The following FBXL17 variants were observed in gnomAD, a reference collection of about 807,000 sequenced individuals.
The protein encoded by FBXL17 is F-box and leucine rich repeat protein 17.
Under a neutral mutation model 66.2 loss-of-function variants are expected in FBXL17, and 22 were observed. The observed-to-expected ratio is 0.33, with a 90% CI of 0.24 to 0.47. The LOEUF (loss-of-function observed/expected upper bound fraction) is 0.47. Among genes scored for constraint, FBXL17 ranks in the 20% least tolerant of loss-of-function variants. The pLI is 1.00. For missense variants in FBXL17, 878 were observed against 948.2 expected, an observed-to-expected ratio of 0.93 and a Z score of 0.97; for synonymous variants, 474 against 400.5, an observed-to-expected ratio of 1.18 and a Z score of -2.19.
chr5:108,043,926 T>C (rs947813012), intron 6 of FBXL17, among the ~76,000 whole-genome samples: 3 of 152,200 alleles, frequency 2.0e-5, no homozygotes, highest in East Asian at 3.9e-4. Context: ...CAAGTTTTCA[T>C]TGGTTTACTT....
At chr5:108,238,637 G>A (rs183931982) in intron 4 of FBXL17, among the ~76,000 whole-genome samples, 86 of 152,082 alleles carry the variant, frequency 5.7e-4, no homozygotes, top group African/African-American at 2.0e-3. Context: ...CACCCTTTCC[G>A]GTAGCTTGGA....
chr5:108,218,196 G>T (rs772300676), intron 5 of FBXL17, among the ~76,000 whole-genome samples: 1 of 151,656 alleles, frequency 6.6e-6, no homozygotes, highest in African/African-American at 2.4e-5. Flanking sequence ...TTTTAGTAGA[G>T]ATGGGGTTTC....
chr5:107,931,500 A>AT (rs1297033891), intron 7 of FBXL17, among the ~76,000 whole-genome samples: 1 of 151,880 alleles, frequency 6.6e-6, no homozygotes, highest in Non-Finnish European at 1.5e-5. Context: ...GACTCAAGCT[A>AT]TTTGCCCACC....
chr5:107,879,701 GT>G, intron 8 of FBXL17: 1 of 985,434 alleles, frequency 1.0e-6, no homozygotes, highest in African/African-American at 1.7e-5. Context: ...TGAATGGCGT[GT>G]CTATTTAGTT....
chr5:107,980,665 T>TATATATATATATATATATATA (rs1363335386), intron 7 of FBXL17, among the ~76,000 whole-genome samples: 17 of 79,082 alleles, frequency 2.1e-4, no homozygotes, highest in East Asian at 9.7e-4. Flanking sequence ...TATATATATA[T>TATATATATATATATATATATA]TTTTTTTTTG....
chr5:108,136,111 A>G (rs561939344), intron 6 of FBXL17, among the ~76,000 whole-genome samples: 1 of 152,268 alleles, frequency 6.6e-6, no homozygotes, highest in South Asian at 2.1e-4. Context: ...GAAAATATGA[A>G]TATGTATATA....
chr5:108,264,602 T>A (rs2150129943), intron 4 of FBXL17, among the ~76,000 whole-genome samples: 2 of 152,216 alleles, frequency 1.3e-5, no homozygotes, highest in African/African-American at 4.8e-5. Flanking sequence ...AAAAATAAAT[T>A]AAAATTTTCT....
At chr5:107,962,764 G>A (rs959469436) in intron 7 of FBXL17, among the ~76,000 whole-genome samples, 2 of 151,596 alleles carry the variant, frequency 1.3e-5, no homozygotes, top group African/African-American at 4.8e-5. Context: ...AAATTAGAAT[G>A]GAGAAGTAGA....
intron 6 of FBXL17, among the ~76,000 whole-genome samples, chr5:108,125,818 A>G (rs1750675645): frequency 6.6e-6 from 1 of 152,060 alleles, no homozygotes; most frequent in South Asian, 2.1e-4. Context: ...ATTTGTGTTT[A>G]TATTCAATTA....
In FBXL17 at chr5:108,101,534, G is replaced by T. The variant is rs574834352; in HGVS notation, c.1746-80533C>A. On this transcript the variant is annotated intron_variant, in intron 6 of 8. Transcript: ENST00000542267. ...ACAGTCACTGGCAATGTCTATTAAT[G>T]TAACAGTTCTCAGCTAATTCCTCTC... Among the ~76,000 whole-genome samples the T allele has an allele frequency of 2.6e-4, 40 of 152,312 alleles. No homozygotes were observed. In the South Asian group the frequency reaches 8.1e-3, roughly 31 times the overall value.
intron 6 of FBXL17, among the ~76,000 whole-genome samples, chr5:108,113,588 T>C (rs1750125445): frequency 6.6e-6 from 1 of 152,250 alleles, no homozygotes; most frequent in South Asian, 2.1e-4. Flanking sequence ...TGTTCTCCGA[T>C]GGAGGACAGC....
intron 6 of FBXL17, among the ~76,000 whole-genome samples, chr5:108,101,029 T>C (rs1297699288): frequency 2.0e-5 from 3 of 152,228 alleles, no homozygotes; most frequent in African/African-American, 7.2e-5. Flanking sequence ...AAACAGTGAA[T>C]GTCTACACTG....
chr5:108,289,863 T>A (rs1758042730), intron 4 of FBXL17, among the ~76,000 whole-genome samples: 1 of 152,178 alleles, frequency 6.6e-6, no homozygotes, highest in South Asian at 2.1e-4. Context: ...ATTTGGTAAC[T>A]CTTGGTCCTA....
chr5:108,246,165 T>TC (rs1235721037), intron 4 of FBXL17, among the ~76,000 whole-genome samples: 1 of 151,694 alleles, frequency 6.6e-6, no homozygotes. Context: ...CACAAATCTC[T>TC]CCCCCCTCCT....
intron 7 of FBXL17, among the ~76,000 whole-genome samples, chr5:107,989,786 G>C (rs957870548): frequency 6.6e-6 from 1 of 151,974 alleles, no homozygotes; most frequent in African/African-American, 2.4e-5. Flanking sequence ...ATCTAAATAA[G>C]GGTGTATTTG....
At chr5:108,160,709 T>C (rs1752177989) in intron 6 of FBXL17, among the ~76,000 whole-genome samples, 1 of 152,296 alleles carries the variant, frequency 6.6e-6, no homozygotes. Flanking sequence ...TCAGCTATTA[T>C]TTAAGACAGT....
chr5:108,141,317 AAC>A (rs771601830), intron 6 of FBXL17, among the ~76,000 whole-genome samples: 1 of 151,992 alleles, frequency 6.6e-6, no homozygotes, highest in Non-Finnish European at 1.5e-5. Context: ...CACCAACCCC[AAC>A]ACACACACAG....
At chr5:108,185,115 TTC>T (rs1170041341) in intron 6 of FBXL17, among the ~76,000 whole-genome samples, 1 of 152,176 alleles carries the variant, frequency 6.6e-6, no homozygotes, top group African/African-American at 2.4e-5. Context: ...AAGAAAAAAC[TTC>T]TGATTCTATA....
At chr5:108,240,147 T>C (rs1293550611) in intron 4 of FBXL17, among the ~76,000 whole-genome samples, 2 of 151,940 alleles carry the variant, frequency 1.3e-5, no homozygotes, top group African/African-American at 4.8e-5. Flanking sequence ...GTTGTGGCTA[T>C]AGGGAAAAAA....
Sources: allele counts gnomAD v4.1 joint callset (sites outside exome capture counted in the v4.1 genomes callset), GRCh38; gene constraint gnomAD v4.1.1; transcripts MANE v1.5; gene names NCBI Gene and HGNC (gene_info 2026-07-23, HGNC 2026-07-21).